The following PRRC2C variants were observed in gnomAD, a reference collection of about 807,000 sequenced individuals.
PRRC2C encodes the protein proline rich coiled-coil 2C, also known as protein PRRC2C.
PRRC2C carries 72 observed loss-of-function variants against 317.2 expected under a neutral mutation model. The observed-to-expected ratio is 0.23, with a 90% CI of 0.19 to 0.28. PRRC2C has a LOEUF of 0.28. PRRC2C is among the 10% of genes least tolerant of loss of function. The pLI is 1.00. For synonymous variants in PRRC2C, 1,296 were observed against 1,205.9 expected (o/e 1.07, Z -1.55); for missense variants, 3,074 against 3,459.7 (o/e 0.89, Z 2.80).
intron 15 of PRRC2C, among the ~76,000 whole-genome samples, chr1:171,538,807 G>C (rs1677337737): frequency 6.6e-6 from 1 of 152,098 alleles, no homozygotes; most frequent in Non-Finnish European, 1.5e-5. Context: ...GACCTCCCAG[G>C]CTCAAGTGAT....
At chr1:171,531,320 T>C (rs937405461) in intron 11 of PRRC2C, among the ~76,000 whole-genome samples, 1 of 152,224 alleles carries the variant, frequency 6.6e-6, no homozygotes, top group African/African-American at 2.4e-5. Flanking sequence ...ACAGCACATT[T>C]TATGTAAATT....
chr1:171,577,963 T>C (rs916668694), intron 26 of PRRC2C, among the ~76,000 whole-genome samples: 14 of 147,434 alleles, frequency 9.5e-5, no homozygotes, highest in Non-Finnish European at 1.8e-4. Flanking sequence ...TTTTTTTTTT[T>C]TTTTTGCATT....
rs147647791 is a variant in PRRC2C, at chr1:171,538,776, A to G, written c.2505-1195A>G. 2.3e-3 allele frequency among the ~76,000 whole-genome samples: 343 copies of G among 152,272 alleles called. 1 individual carries two copies. The highest frequency in any genetic ancestry group is 8.0e-3 in the African/African-American group (331 of 41,552). Reference sequence around the variant, plus strand: ...AGCCAGGCTGGAGTGCAGTGATGCAATCACAGCTCACTGCAGCCTTGACCT... The same window carrying G: ...AGCCAGGCTGGAGTGCAGTGATGCAGTCACAGCTCACTGCAGCCTTGACCT... On this transcript the variant is annotated intron_variant, in intron 15 of 34. Transcript: ENST00000647382.
chr1:171,540,658 A>C lies in PRRC2C; in HGVS notation c.3192A>C (p.Pro1064=), dbSNP rs1410276277. The part of the protein sequence containing the change: ...KTEKKDLPPP[P]PPPQPPAPIQ... ...AAAAGAAGGATCTTCCTCCTCCCCC[A>C]CCACCACCTCAGCCACCAGCACCAA... Residue 1064 remains proline, a synonymous_variant, in exon 16 of 35, where the codon CCA becomes CCC. Transcript: ENST00000647382. 8.1e-6 allele frequency: 13 copies of C among 1,613,866 alleles called. No individual in the cohort carries two copies. The highest frequency in any genetic ancestry group is 1.6e-4 in the Middle Eastern group (1 of 6,062).
intron 6 of PRRC2C, among the ~76,000 whole-genome samples, chr1:171,521,344 G>A (rs1201261664): frequency 6.6e-6 from 1 of 152,096 alleles, no homozygotes; most frequent in Non-Finnish European, 1.5e-5. Flanking sequence ...CAAAATCATA[G>A]GATGAATCCC....
intron 18 of PRRC2C, among the ~76,000 whole-genome samples, chr1:171,553,415 C>G (rs967826967): frequency 1.3e-5 from 2 of 151,946 alleles, no homozygotes; most frequent in African/African-American, 4.8e-5. Context: ...AAAACCAGCT[C>G]CTAGATTCAT....
intron 12 of PRRC2C, 132 bp downstream of exon 12, chr1:171,533,093 A>G (rs1374197422): frequency 2.2e-6 from 2 of 918,866 alleles, no homozygotes; most frequent in Non-Finnish European, 3.0e-6. Flanking sequence ...CATTTGCAGT[A>G]CAAAATATGG....
intron 23 of PRRC2C, among the ~76,000 whole-genome samples, chr1:171,570,915 C>T (rs1309168013): frequency 6.6e-6 from 1 of 152,144 alleles, no homozygotes; most frequent in African/African-American, 2.4e-5. Context: ...AGACCAGCAC[C>T]ATCAGCATCA....
chr1:171,486,079 C>A (rs1004358024), intron 1 of PRRC2C, among the ~76,000 whole-genome samples: 2 of 149,896 alleles, frequency 1.3e-5, no homozygotes, highest in Admixed American at 6.7e-5. Context: ...AGGGGGTTTC[C>A]GTCTTCCTGG....
At chr1:171,552,184 T>A (rs1680378435) in intron 18 of PRRC2C, among the ~76,000 whole-genome samples, 1 of 152,190 alleles carries the variant, frequency 6.6e-6, no homozygotes, top group East Asian at 1.9e-4. Flanking sequence ...TCACATCCCT[T>A]GTAAGTTGGA....
At chr1:171,502,249 G>C (rs1162906211) in intron 1 of PRRC2C, among the ~76,000 whole-genome samples, 1 of 152,204 alleles carries the variant, frequency 6.6e-6, no homozygotes, top group African/African-American at 2.4e-5. Context: ...CTTTTCAGTG[G>C]TTCTCAACTG....
At position 171,517,688 on chromosome 1, in the gene PRRC2C, A is replaced by C. The variant is rs1043424007; in HGVS notation, c.624A>C (p.Gly208=). ...KLPGQDESTA[G]TSEQNDILKV... Reference sequence around the variant, plus strand: ...CTGGCCAGGATGAAAGCACAGCTGGAACATCAGAGCAAAATGATATCCTCA... The same window carrying C: ...CTGGCCAGGATGAAAGCACAGCTGGCACATCAGAGCAAAATGATATCCTCA... The change falls in exon 6 of 35, where the codon GGA becomes GGC. Residue 208 remains glycine, a synonymous_variant. Coordinates refer to ENST00000647382, the MANE Select transcript of PRRC2C (RefSeq NM_001387844.1). 32 of 1,613,506 alleles carry C rather than the reference A, an allele frequency of 2.0e-5. No homozygotes were observed. The highest frequency in any genetic ancestry group is 2.7e-5 in the Non-Finnish European group (32 of 1,179,826).
intron 18 of PRRC2C, among the ~76,000 whole-genome samples, chr1:171,554,957 G>T (rs1209526887): frequency 3.3e-5 from 5 of 152,038 alleles, no homozygotes; most frequent in Non-Finnish European, 7.4e-5. Context: ...TACTCTTCTC[G>T]AGGAGTATCT....
rs367721415 is a variant in PRRC2C at position 171,591,627 on chromosome 1, T to A, written c.8477T>A (p.Phe2826Tyr). 113 of 1,613,916 alleles carry A rather than the reference T, an allele frequency of 7.0e-5. No individual in the cohort carries two copies. The highest frequency in any genetic ancestry group is 8.8e-5 in the Non-Finnish European group (104 of 1,179,874). The change falls in exon 35 of 35, where the codon TTC (phenylalanine) becomes TAC (tyrosine). Residue 2826 changes from phenylalanine (F) to tyrosine (Y), a missense_variant. Physicochemically the swap from Phe to Tyr is conservative, Grantham distance 22 (BLOSUM62 3). This residue lies in a region of PRRC2C where 78 missense variants were observed against 97.7 expected (regional missense o/e 0.80). Coordinates refer to ENST00000647382, the MANE Select transcript of PRRC2C (RefSeq NM_001387844.1). ...GAGGTTCTTCAGTCCACGCAACGGTTCTTCTCTGAACAGCAACAGAGCAAA... is the reference window on the plus strand; with the variant it reads ...GAGGTTCTTCAGTCCACGCAACGGTACTTCTCTGAACAGCAACAGAGCAAA... Reference protein sequence around the residue: ...RAEVLQSTQRFFSEQQQSKQI... With the variant: ...RAEVLQSTQRYFSEQQQSKQI...
intron 31 of PRRC2C, 139 bp downstream of exon 31, chr1:171,587,360 A>G (rs1650276691): frequency 2.5e-6 from 2 of 815,644 alleles, no homozygotes; most frequent in Non-Finnish European, 3.7e-6. Context: ...GTATATTTAC[A>G]TTTTATCTAT....
At chr1:171,571,824 G>C (rs902950812) in intron 24 of PRRC2C, among the ~76,000 whole-genome samples, 3 of 152,120 alleles carry the variant, frequency 2.0e-5, no homozygotes, top group Non-Finnish European at 2.9e-5. Context: ...AATGTTGTTT[G>C]TCTTCCCTGT....
rs1677686904 is a variant in PRRC2C at position 171,540,083 on chromosome 1, G to A, written c.2617G>A (p.Val873Ile). 6.2e-7 allele frequency: 1 copy of A among 1,613,830 alleles called. No individual in the cohort carries two copies. Among genetic ancestry groups the A allele is most frequent in the Non-Finnish European group, 8.5e-7 (1 of 1,179,836 alleles). Residue 873 changes from valine to isoleucine, a missense_variant, in exon 16 of 35, where the codon GTA becomes ATA. This residue lies in a region of PRRC2C where 1,320 missense variants were observed against 1,395.7 expected (regional missense o/e 0.95). Coordinates refer to ENST00000647382, the MANE Select transcript of PRRC2C (RefSeq NM_001387844.1). ...DFIRESSEAQ[V>I]QKFLSRSVED... ...TATCAGAGAATCAAGTGAGGCACAA[G>A]TACAAAAGTTTTTAAGCAGATCTGT... is the stretch of plus-strand genomic sequence containing the variant.
At chr1:171,497,235 A>G (rs1668291784) in intron 1 of PRRC2C, among the ~76,000 whole-genome samples, 2 of 152,170 alleles carry the variant, frequency 1.3e-5, no homozygotes, top group South Asian at 4.1e-4. Flanking sequence ...ATTGTTTTAT[A>G]TTTCAGTTTG....
rs1056232204 is a variant in PRRC2C, at chr1:171,540,878, A to G, written c.3412A>G (p.Lys1138Glu). 2.5e-6 allele frequency: 4 copies of G among 1,613,652 alleles called. No individual in the cohort carries two copies. The highest frequency in any genetic ancestry group is 3.4e-6 in the Non-Finnish European group (4 of 1,179,778). The change falls in exon 16 of 35, where the codon AAA (lysine) becomes GAA (glutamate). Residue 1138 changes from lysine (K) to glutamate (E), a missense_variant. Around this residue, in one of 11 missense-constraint regions of PRRC2C, gnomAD observed 1,320 missense variants for 1,395.7 expected, o/e 0.95. Transcript: ENST00000647382. ...TMAAPVVKEE[K>E]QPEKVISKDL... Reference sequence around the variant, plus strand: ...GGCAGCACCAGTAGTCAAAGAAGAAAAACAACCTGAGAAAGTCATCAGCAA... The same window carrying G: ...GGCAGCACCAGTAGTCAAAGAAGAAGAACAACCTGAGAAAGTCATCAGCAA...
Sources: gnomAD v4.1 joint callset for allele counts (sites outside exome capture counted in the v4.1 genomes callset) on GRCh38, gnomAD v4.1.1 for gene constraint, gnomAD v4.1.1 regional missense constraint, MANE v1.5 for transcripts, NCBI Gene and HGNC (gene_info 2026-07-23, HGNC 2026-07-21) for gene names.